OSBPL11: variants seen among roughly 807,000 people sequenced by gnomAD.
The protein encoded by OSBPL11 is oxysterol binding protein like 11.
OSBPL11 carries 33 observed loss-of-function variants against 84.4 expected under a neutral mutation model. The ratio of observed to expected loss-of-function variants is 0.39; its 90% CI spans 0.30 to 0.52. The LOEUF is 0.52. OSBPL11 is among the 20% of genes least tolerant of loss of function. The probability of loss-of-function intolerance (pLI) is 0.72; values close to 1 mark genes in which losing one functional copy is unlikely to be tolerated. For missense variants in OSBPL11, 736 were observed against 901.1 expected (o/e 0.82, Z 2.35); for synonymous variants, 276 against 310.2 (o/e 0.89, Z 1.16).
chr3:125,558,531 AAT>A (rs1478820879), intron 8 of OSBPL11, among the ~76,000 whole-genome samples: 2 of 152,190 alleles, frequency 1.3e-5, no homozygotes, highest in Non-Finnish European at 2.9e-5. Context: ...CGTTGGAAAC[AAT>A]GTTTTAAATC....
rs1936377441 is a variant in OSBPL11, at chr3:125,578,989, T to C, written c.460A>G (p.Thr154Ala). The change falls in exon 4 of 13, where the codon ACA becomes GCA. Residue 154 changes from threonine to alanine, a missense_variant. This residue lies in a region of OSBPL11 where 579 missense variants were observed against 717.6 expected (regional missense o/e 0.81). Coordinates refer to ENST00000296220, the MANE Select transcript of OSBPL11 (RefSeq NM_022776.5). ...QHWVSRLQIC[T>A]QHHTEAIGKN... ...CCAATAGCTTCAGTATGATGCTGTG[T>C]ACATATCTGAAGTCTGCTAACCCAG... The C allele has an allele frequency of 4.4e-6, 7 of 1,593,402 alleles. No individual in the cohort carries two copies. The highest frequency in any genetic ancestry group is 6.0e-6 in the Non-Finnish European group (7 of 1,168,744).
At chr3:125,551,560 G>T (rs918764646) in intron 9 of OSBPL11, among the ~76,000 whole-genome samples, 2 of 152,082 alleles carry the variant, frequency 1.3e-5, no homozygotes, top group Non-Finnish European at 2.9e-5. Flanking sequence ...TCAGAGGTCA[G>T]GAGTTTGAGA....
chr3:125,587,952 T>A (rs1368385861), intron 1 of OSBPL11, among the ~76,000 whole-genome samples: 10 of 152,156 alleles, frequency 6.6e-5, no homozygotes, highest in Admixed American at 6.5e-4. Flanking sequence ...CCAGGCACAG[T>A]GGCTCATGCC....
chr3:125,565,057 A>C (rs1936134368), intron 6 of OSBPL11, among the ~76,000 whole-genome samples: 1 of 152,182 alleles, frequency 6.6e-6, no homozygotes, highest in African/African-American at 2.4e-5. Flanking sequence ...AAGCCTGGGC[A>C]ACACAGACAG....
At chr3:125,539,344 T>TATATATATAA (rs1404271485) in intron 10 of OSBPL11, among the ~76,000 whole-genome samples, 3 of 104,976 alleles carry the variant, frequency 2.9e-5, no homozygotes, top group African/African-American at 1.1e-4. Flanking sequence ...TATATATATA[T>TATATATATAA]AATAGCTATA....
rs1215290073 is a variant in OSBPL11, at chr3:125,582,782, T to C, written c.233+128A>G. 5.6e-6 allele frequency: 4 copies of C among 718,070 alleles called. No individual in the cohort carries two copies. The East Asian group carries it at 1.2e-4, about 22-fold the overall frequency. 44.5% of individuals were successfully genotyped at this position (718,070 alleles called of 1,614,324 possible). A position where few individuals can be genotyped will look rare whatever the true frequency, so the allele number is the denominator to read the frequency against. On this transcript the variant is annotated intron_variant, in intron 2 of 12. Transcript: ENST00000296220. ...AAGAAGTCACCAAACTTTTAGAAGC[T>C]GTGGGAAATCCTTCTCTAAAAGGTT...
intron 4 of OSBPL11, 23 bp from the exon 5 acceptor site, chr3:125,576,388 CCTTTT>C: frequency 6.6e-7 from 1 of 1,523,044 alleles, no homozygotes; most frequent in Non-Finnish European, 8.8e-7. Context: ...GAAAATCATT[CCTTTT>C]GTTTTCTTCT....
intron 5 of OSBPL11, among the ~76,000 whole-genome samples, chr3:125,573,076 C>T (rs1936267137): frequency 6.7e-6 from 1 of 150,312 alleles, no homozygotes; most frequent in South Asian, 2.1e-4. Context: ...ATAATTATAG[C>T]ATAAATGTTA....
intron 12 of OSBPL11, among the ~76,000 whole-genome samples, chr3:125,530,913 G>C (rs1340961433): frequency 6.6e-6 from 1 of 152,090 alleles, no homozygotes; most frequent in Admixed American, 6.6e-5. Context: ...GGAGTACAGA[G>C]AAATGATCGG....
intron 8 of OSBPL11, among the ~76,000 whole-genome samples, chr3:125,553,451 T>C (rs1489982098): frequency 6.6e-6 from 1 of 152,166 alleles, no homozygotes; most frequent in African/African-American, 2.4e-5. Context: ...TAAGAGAAAT[T>C]TTTATACTTA....
chr3:125,564,707 T>G (rs1936130354), intron 6 of OSBPL11, among the ~76,000 whole-genome samples: 1 of 150,694 alleles, frequency 6.6e-6, no homozygotes, highest in Non-Finnish European at 1.5e-5. Flanking sequence ...CATGCTGGAG[T>G]GCAGTGGTGC....
chr3:125,568,426 G>A (rs1348140490), intron 5 of OSBPL11, among the ~76,000 whole-genome samples: 4 of 143,690 alleles, frequency 2.8e-5, no homozygotes, highest in Non-Finnish European at 3.0e-5. Context: ...GTGAGACTAC[G>A]TCTCAAAAAA....
intron 6 of OSBPL11, among the ~76,000 whole-genome samples, chr3:125,567,087 C>A (rs1936166971): frequency 6.6e-6 from 1 of 152,098 alleles, no homozygotes; most frequent in Admixed American, 6.5e-5. Flanking sequence ...GATAGTGATG[C>A]CACTAATTTT....
rs557160200 is a variant in OSBPL11, at chr3:125,568,611, G to T, written c.667-1016C>A. Among the ~76,000 whole-genome samples, 7 of 152,280 alleles carry T rather than the reference G, an allele frequency of 4.6e-5. No individual in the cohort carries two copies. In the South Asian group the frequency reaches 1.2e-3, roughly 27 times the overall value. ...TTTGAACCTACTATGAGTGCATAAT[G>T]GCTTTCCTGCTTCCTCTTTCCTAAC... On this transcript the variant is annotated intron_variant, in intron 5 of 12. Coordinates refer to ENST00000296220, the MANE Select transcript of OSBPL11 (RefSeq NM_022776.5).
At position 125,538,526 on chromosome 3, in the gene OSBPL11, T is replaced by C. The variant is rs1457541301; in HGVS notation, c.1949A>G (p.Tyr650Cys). 6.2e-7 allele frequency: 1 copy of C among 1,614,176 alleles called. No individual in the cohort carries two copies. Among genetic ancestry groups the C allele is most frequent in the South Asian group, 1.1e-5 (1 of 91,088 alleles). ...CACTGCCAATTTAGTCAAGTCCACA[T>C]ACTTTGTCTCTCCATTGCTATATGT... ...EFTYSNGETK[Y>C]VDLTKLAVTK... The change falls in exon 11 of 13, where the codon TAT (tyrosine) becomes TGT (cysteine). Residue 650 changes from tyrosine (Y) to cysteine (C), a missense_variant. Physicochemically the swap from Tyr to Cys is radical, Grantham distance 194 (BLOSUM62 -2). Around this residue, in one of 3 missense-constraint regions of OSBPL11, gnomAD observed 579 missense variants for 717.6 expected, o/e 0.81. Transcript: ENST00000296220.
chr3:125,559,801 C>T lies in OSBPL11; in HGVS notation c.1155+578G>A, dbSNP rs534643860. On this transcript the variant is annotated intron_variant, in intron 8 of 12. Transcript: ENST00000296220. ...TCTCAGCCTCCTGAGACGGGTTTCA[C>T]CTCGGCCTCCCGAGGAGAGTGGATC... Among the ~76,000 whole-genome samples the T allele has an allele frequency of 9.2e-5, 14 of 152,204 alleles. No individual in the cohort carries two copies. In the South Asian group the frequency reaches 2.5e-3, roughly 27 times the overall value.
chr3:125,594,010 T>C (rs867568443), intron 1 of OSBPL11, among the ~76,000 whole-genome samples: 52 of 152,362 alleles, frequency 3.4e-4, no homozygotes, highest in Admixed American at 2.4e-3. Flanking sequence ...TTCATATTAG[T>C]GAAAATTAAC....
chr3:125,576,817 G>A (rs1936332151), intron 4 of OSBPL11, among the ~76,000 whole-genome samples: 3 of 152,062 alleles, frequency 2.0e-5, no homozygotes, highest in Admixed American at 2.0e-4. Flanking sequence ...CTGAGTAGCT[G>A]GGATTACAGG....
intron 8 of OSBPL11, 29 bp from the exon 9 acceptor site, chr3:125,552,708 A>G (rs759103643): frequency 8.2e-6 from 13 of 1,591,864 alleles, no homozygotes; most frequent in Non-Finnish European, 1.0e-5. Flanking sequence ...AAAGAGGGGA[A>G]ATTTAATCCA....
Sources: allele counts gnomAD v4.1 joint callset (sites outside exome capture counted in the v4.1 genomes callset), GRCh38; gene constraint gnomAD v4.1.1; regional missense constraint gnomAD v4.1.1; transcripts MANE v1.5; gene names NCBI Gene and HGNC (gene_info 2026-07-23, HGNC 2026-07-21).